Variants in HOTAIR observed in about 807,000 individuals in gnomAD.
HOTAIR encodes the protein HOX transcript antisense RNA.
chr12:53,970,706 G>T (rs865912504), intron 1 of HOTAIR, among the ~76,000 whole-genome samples: 5 of 152,180 alleles, frequency 3.3e-5, no homozygotes, highest in Non-Finnish European at 7.3e-5. Flanking sequence ...AAATAGGGCC[G>T]CCAGCAGCTC....
intron 2 of HOTAIR, chr12:53,968,366 C>A (rs544810971): frequency 6.6e-6 from 1 of 152,346 alleles, no homozygotes; most frequent in Non-Finnish European, 1.5e-5. Flanking sequence ...CTGAGCCTCG[C>A]TAATGCACGA....
At position 53,974,947 on chromosome 12, in the gene HOTAIR, T is replaced by G; in HGVS notation, n.10A>C. The stretch of plus-strand genomic sequence containing the variant: ...GACCCTGTCAGCCGCGGCTCTCGCC[T>G]GAGAACTGGGGACGGGGTGGCGCAG... On this transcript the variant is annotated non_coding_transcript_exon_variant, in exon 1 of 7. Transcript: ENST00000424518. The G allele has an allele frequency of 5.7e-6, 3 of 529,280 alleles. No individual in the cohort carries two copies. In the South Asian group the frequency reaches 7.2e-5, roughly 13 times the overall value. 32.8% of individuals were successfully genotyped at this position (529,280 alleles called of 1,614,324 possible).
rs574452187 is a variant in HOTAIR at position 53,962,558 on chromosome 12, T to TTGTGTTTATATACATAC, written n.2154_2170dup. ...ATGTATGGAAAATATATTCTGTGAG[T>TTGTGTTTATATACATAC]TGTGTTTATATACATACTGTGTGTG... On this transcript the variant is annotated non_coding_transcript_exon_variant, in exon 7 of 7. Transcript: ENST00000424518. The TTGTGTTTATATACATAC allele has an allele frequency of 3.2e-4, 48 of 152,324 alleles. 1 individual carries two copies. The South Asian group carries it at 9.9e-3, about 32-fold the overall frequency. The allele number at this position is 152,324 out of a possible 1,614,324, so 9.4% of individuals were successfully genotyped here.
At chr12:53,970,651 TCAA>T (rs1372438380) in intron 1 of HOTAIR, among the ~76,000 whole-genome samples, 1 of 152,238 alleles carries the variant, frequency 6.6e-6, no homozygotes, top group Non-Finnish European at 1.5e-5. Flanking sequence ...TTCCTAGACA[TCAA>T]CTCTTTGACA....
At position 53,973,919 on chromosome 12, in the gene HOTAIR, C is replaced by G. The variant is rs959455063; in HGVS notation, n.59+979G>C. 2 of 1,441,342 alleles carry G rather than the reference C, an allele frequency of 1.4e-6. No homozygotes were observed. The highest frequency in any genetic ancestry group is 2.9e-5 in the African/African-American group (2 of 68,878). The allele number at this position is 1,441,342 out of a possible 1,614,324, so 89.3% of individuals were successfully genotyped here. On this transcript the variant is annotated intron_variant and non_coding_transcript_variant, in intron 1 of 6. Coordinates refer to ENST00000424518, the Ensembl canonical transcript of HOTAIR. The surrounding 1 kb of genome is among the most constrained non-coding windows in gnomAD (Gnocchi z 4.3). The stretch of plus-strand genomic sequence containing the variant: ...CCAAGGAGCCGGCCAAAGGAGCCGC[C>G]CCCAGTAGGTAGCAGCGGCCGGGGA...
intron 5 of HOTAIR, among the ~76,000 whole-genome samples, chr12:53,964,859 G>A (rs944612122): frequency 2.6e-5 from 4 of 152,154 alleles, no homozygotes; most frequent in Admixed American, 1.3e-4. Context: ...ACAAGAGATC[G>A]AGTTTGAATG....
chr12:53,970,382 C>A (rs773282103), intron 1 of HOTAIR, among the ~76,000 whole-genome samples: 1 of 152,194 alleles, frequency 6.6e-6, no homozygotes, highest in Non-Finnish European at 1.5e-5. Context: ...TCAGCTGAAG[C>A]GTCCAGGTAG....
At chr12:53,970,193 G>A (rs1939125397) in intron 1 of HOTAIR, among the ~76,000 whole-genome samples, 1 of 152,250 alleles carries the variant, frequency 6.6e-6, no homozygotes, top group Non-Finnish European at 1.5e-5. Context: ...TCAGGTGAAG[G>A]CCAGGACTCA....
exon 7 of HOTAIR, chr12:53,963,796 C>T (rs1169346978): frequency 6.6e-6 from 1 of 152,256 alleles, no homozygotes; most frequent in Admixed American, 6.5e-5. Context: ...GGCACCCGCT[C>T]AGGTTTTTCC....
intron 1 of HOTAIR, among the ~76,000 whole-genome samples, chr12:53,972,431 G>A (rs541864591): frequency 2.8e-4 from 43 of 152,300 alleles, no homozygotes; most frequent in Non-Finnish European, 2.9e-5. Flanking sequence ...GGCGGCTGGC[G>A]CACTGCTCAC....
At chr12:53,968,051 G>A (rs4759314) in intron 2 of HOTAIR, 142,461 of 152,228 alleles carry the variant, frequency 0.94, 67,113 homozygotes, top group Non-Finnish European at 0.99. Flanking sequence ...AAACAGGCCA[G>A]GCGGATGCAA....
At chr12:53,971,954 G>GC (rs1939154370) in intron 1 of HOTAIR, among the ~76,000 whole-genome samples, 2 of 152,220 alleles carry the variant, frequency 1.3e-5, no homozygotes, top group African/African-American at 4.8e-5. Flanking sequence ...TCTGGTCACA[G>GC]CCCCAGGGAC....
At chr12:53,969,557 C>T (rs1377414944) in intron 1 of HOTAIR, among the ~76,000 whole-genome samples, 3 of 152,154 alleles carry the variant, frequency 2.0e-5, no homozygotes, top group African/African-American at 4.8e-5. Context: ...TGGGGTGTCC[C>T]GGGTGCAAGA....
chr12:53,966,478 C>CTA (rs1207199821), intron 3 of HOTAIR: 1 of 152,526 alleles, frequency 6.6e-6, no homozygotes, highest in Non-Finnish European at 1.5e-5. Context: ...GCGGTACACT[C>CTA]GGTAAGGAGA....
chr12:53,970,978 G>A (rs1165655828), intron 1 of HOTAIR, among the ~76,000 whole-genome samples: 2 of 152,186 alleles, frequency 1.3e-5, no homozygotes, highest in Non-Finnish European at 2.9e-5. Flanking sequence ...TGCAAGGATA[G>A]GGGTACCTCT....
intron 5 of HOTAIR, among the ~76,000 whole-genome samples, chr12:53,965,062 G>A (rs559151655): frequency 1.7e-4 from 26 of 152,348 alleles, no homozygotes; most frequent in African/African-American, 5.8e-4. Context: ...AGCCTGGGAG[G>A]CAGCAATAGA....
rs1429021105 is a variant in HOTAIR, at chr12:53,973,957, C to T, written n.59+941G>A. On this transcript the variant is annotated intron_variant and non_coding_transcript_variant, in intron 1 of 6. Coordinates refer to ENST00000424518, the Ensembl canonical transcript of HOTAIR. The surrounding 1 kb of genome is among the most constrained non-coding windows in gnomAD (Gnocchi z 4.3). ...CAGCGGCCGGGGAACGGGCGGGCAG[C>T]GAGGGAGGGAGCGAGAGAGGGAGGG... 16 of 1,417,520 alleles carry T rather than the reference C, an allele frequency of 1.1e-5. 1 individual carries two copies. The Admixed American group carries it at 4.0e-4, about 35-fold the overall frequency. The allele number at this position is 1,417,520 out of a possible 1,614,324, so 87.8% of individuals were successfully genotyped here.
chr12:53,973,140 A>T lies in HOTAIR; in HGVS notation n.59+1758T>A. The T allele has an allele frequency of 1.2e-6, 1 of 842,780 alleles. No individual in the cohort carries two copies. The highest frequency in any genetic ancestry group is 1.8e-6 in the Non-Finnish European group (1 of 549,552). The allele number at this position is 842,780 out of a possible 1,614,324, so 52.2% of individuals were successfully genotyped here. A position where few individuals can be genotyped will look rare whatever the true frequency, so the allele number is the denominator to read the frequency against. On this transcript the variant is annotated intron_variant and non_coding_transcript_variant, in intron 1 of 6. Transcript: ENST00000424518. The surrounding 1 kb of genome is among the most constrained non-coding windows in gnomAD (Gnocchi z 4.3). ...CTTTGGATCACGTGCTCAGAGAGAG[A>T]GAGACTAAGACGGATAACGCGTCAT...
At chr12:53,964,903 C>T (rs1374233117) in intron 5 of HOTAIR, among the ~76,000 whole-genome samples, 1 of 152,170 alleles carries the variant, frequency 6.6e-6, no homozygotes, top group African/African-American at 2.4e-5. Context: ...AGGATATTTG[C>T]TTGGCTTTAC....
Sources: allele counts gnomAD v4.1 joint callset (sites outside exome capture counted in the v4.1 genomes callset), GRCh38; gene constraint gnomAD v4.1.1; non-coding constraint Gnocchi (gnomAD v3.1); transcripts MANE v1.5; gene names NCBI Gene and HGNC (gene_info 2026-07-23, HGNC 2026-07-21).